The following COL19A1 variants were observed in gnomAD, a reference collection of about 807,000 sequenced individuals.
COL19A1 encodes collagen alpha-1(XIX) chain.
COL19A1 carries 159 observed loss-of-function variants against 190.2 expected under a neutral mutation model. The ratio of observed to expected loss-of-function variants is 0.84; its 90% CI spans 0.73 to 0.95. The LOEUF is 0.95. Among genes scored for constraint, COL19A1 ranks in the 40% least tolerant of loss-of-function variants. COL19A1 has a pLI of 0.00. For missense variants in COL19A1, 1,418 were observed against 1,431.9 expected (o/e 0.99, Z 0.16); for synonymous variants, 509 against 458.9 (o/e 1.11, Z -1.39).
chr6:69,928,874 AT>A (rs1772566936), intron 5 of COL19A1, among the ~76,000 whole-genome samples: 1 of 152,150 alleles, frequency 6.6e-6, no homozygotes, highest in African/African-American at 2.4e-5. Flanking sequence ...TAATCTGTTA[AT>A]ACAGCTACAA....
At chr6:69,937,893 G>A (rs1222892262) in intron 8 of COL19A1, 145 bp from the exon 9 acceptor site, 5 of 642,642 alleles carry the variant, frequency 7.8e-6, no homozygotes, top group South Asian at 2.1e-5. Context: ...CCTTGTTCAC[G>A]TGGCTCACTA....
chr6:69,926,944 G>T (rs1772439282), intron 4 of COL19A1, among the ~76,000 whole-genome samples: 1 of 152,074 alleles, frequency 6.6e-6, no homozygotes, highest in African/African-American at 2.4e-5. Flanking sequence ...AAACCATGGA[G>T]ACCAGAAGGC....
At chr6:70,096,282 C>T (rs1022504943) in intron 15 of COL19A1, among the ~76,000 whole-genome samples, 7 of 148,906 alleles carry the variant, frequency 4.7e-5, no homozygotes, top group Admixed American at 3.4e-4. Context: ...TTTTTAGAAA[C>T]GGGGTTTTGC....
chr6:70,183,832 A>G (rs568035375), intron 44 of COL19A1, among the ~76,000 whole-genome samples: 1 of 152,340 alleles, frequency 6.6e-6, no homozygotes, highest in East Asian at 1.9e-4. Context: ...GAGCAAGTCC[A>G]TGCAATTGCC....
In COL19A1 at chr6:70,050,772, CCT is replaced by C. The variant is rs141898348; in HGVS notation, c.1170+14834_1170+14835del. On this transcript the variant is annotated intron_variant, in intron 14 of 50. Transcript: ENST00000620364. ...AACAATATTAATGTCACTTACTACC[CCT>C]GATTATTTTTGATCAATTTGAAAGT... 6.1e-3 allele frequency among the ~76,000 whole-genome samples: 931 copies of C among 152,134 alleles called. 10 individuals are homozygous for C. The highest frequency in any genetic ancestry group is 0.021 in the African/African-American group (851 of 41,500).
rs622918 is a variant in COL19A1, at chr6:70,211,211, A to G, written c.*3937A>G. Among the ~76,000 whole-genome samples the G allele has an allele frequency of 0.76, 115,093 of 151,970 alleles. 43,856 individuals carry two copies. The highest frequency in any genetic ancestry group is 0.82 in the African/African-American group (34,089 of 41,492). On this transcript the variant is annotated 3_prime_UTR_variant, in exon 51 of 51. Coordinates refer to ENST00000620364, the MANE Select transcript of COL19A1 (RefSeq NM_001858.6). The stretch of plus-strand genomic sequence containing the variant: ...AATACATCACTATTTACAAAAGTAC[A>G]ATTAGAAACACTGTTTTTTTTAAGT...
At chr6:69,872,505 TA>T (rs1165310021) in intron 1 of COL19A1, among the ~76,000 whole-genome samples, 5 of 152,166 alleles carry the variant, frequency 3.3e-5, no homozygotes, top group African/African-American at 1.2e-4. Flanking sequence ...AATAAGAACT[TA>T]AAAAAATCTA....
intron 49 of COL19A1, among the ~76,000 whole-genome samples, chr6:70,204,014 C>T (rs1767712835): frequency 6.6e-6 from 1 of 152,144 alleles, no homozygotes; most frequent in Non-Finnish European, 1.5e-5. Context: ...GTGCCCACCA[C>T]CATGCCCAGC....
chr6:70,170,703 T>A (rs1343811842), intron 40 of COL19A1, among the ~76,000 whole-genome samples: 1 of 152,184 alleles, frequency 6.6e-6, no homozygotes, highest in Non-Finnish European at 1.5e-5. Context: ...CTGAACTTTT[T>A]TTTTTGATCA....
At chr6:70,080,070 A>G (rs1013663744) in intron 15 of COL19A1, among the ~76,000 whole-genome samples, 2 of 152,228 alleles carry the variant, frequency 1.3e-5, no homozygotes, top group Non-Finnish European at 2.9e-5. Flanking sequence ...AAGGAGGGGC[A>G]TGGACACTCA....
At position 70,079,084 on chromosome 6, in the gene COL19A1, C is replaced by A. The variant is rs1034541828; in HGVS notation, c.1224+10608C>A. The stretch of plus-strand genomic sequence containing the variant: ...CTATCTCAAAGAAAAGAAAACTATT[C>A]TTGTAGTCTAATCAATAAGTAATAA... On this transcript the variant is annotated intron_variant, in intron 15 of 50. Transcript: ENST00000620364. Among the ~76,000 whole-genome samples the A allele has an allele frequency of 1.2e-4, 19 of 152,134 alleles. 2 individuals carry two copies. The highest frequency in any genetic ancestry group is 1.3e-4 in the Admixed American group (2 of 15,266).
At chr6:70,010,793 G>A (rs1407543692) in intron 11 of COL19A1, among the ~76,000 whole-genome samples, 1 of 126,734 alleles carries the variant, frequency 7.9e-6, no homozygotes, top group Non-Finnish European at 1.6e-5. Flanking sequence ...AGGGGCGCCC[G>A]CCATTGCCCA....
chr6:69,947,345 A>G (rs1773882562), intron 9 of COL19A1, among the ~76,000 whole-genome samples: 1 of 151,876 alleles, frequency 6.6e-6, no homozygotes, highest in Admixed American at 6.6e-5. Flanking sequence ...TAATACCACA[A>G]AGATGATTCC....
intron 8 of COL19A1, 117 bp from the exon 9 acceptor site, chr6:69,937,921 C>A: frequency 1.1e-6 from 1 of 873,982 alleles, no homozygotes; most frequent in Non-Finnish European, 1.8e-6. Context: ...CTCTAAGCAT[C>A]AGCTCAGAGG....
chr6:69,886,946 GTTTTA>G (rs1222463398), intron 2 of COL19A1, among the ~76,000 whole-genome samples: 2 of 151,884 alleles, frequency 1.3e-5, no homozygotes, highest in African/African-American at 2.4e-5. Context: ...TTAACATTTA[GTTTTA>G]TTTTTTTTCA....
chr6:70,008,370 C>T (rs1777764574), intron 11 of COL19A1, among the ~76,000 whole-genome samples: 1 of 151,274 alleles, frequency 6.6e-6, no homozygotes, highest in Admixed American at 6.6e-5. Context: ...CACTACAGAC[C>T]CTACAGAAAC....
chr6:69,925,673 G>T (rs1466025347), intron 4 of COL19A1, among the ~76,000 whole-genome samples: 1 of 152,046 alleles, frequency 6.6e-6, no homozygotes, highest in Non-Finnish European at 1.5e-5. Flanking sequence ...AAATTATCTT[G>T]GGCAGTATGG....
chr6:69,953,858 G>A (rs921602855), intron 9 of COL19A1, among the ~76,000 whole-genome samples: 1 of 151,996 alleles, frequency 6.6e-6, no homozygotes. Context: ...CACACACTCT[G>A]TGTTTCTCTG....
At chr6:70,175,168 C>G (rs897906745) in intron 41 of COL19A1, among the ~76,000 whole-genome samples, 1 of 151,952 alleles carries the variant, frequency 6.6e-6, no homozygotes, top group Non-Finnish European at 1.5e-5. Context: ...TTATTTTTTT[C>G]TTTTTGATGA....
Sources: allele counts gnomAD v4.1 joint callset (sites outside exome capture counted in the v4.1 genomes callset), GRCh38; gene constraint gnomAD v4.1.1; transcripts MANE v1.5; gene names NCBI Gene and HGNC (gene_info 2026-07-23, HGNC 2026-07-21).